The following ANKRD36C variants were observed in gnomAD, a reference collection of about 807,000 sequenced individuals.
ANKRD36C encodes ankyrin repeat domain 36C.
Under a neutral mutation model 276.4 loss-of-function variants are expected in ANKRD36C, and 61 were observed. The observed-to-expected ratio is 0.22, with a 90% CI of 0.18 to 0.27. ANKRD36C has a LOEUF of 0.27. Among genes scored for constraint, ANKRD36C ranks in the 10% least tolerant of loss-of-function variants. ANKRD36C has a pLI of 1.00. For synonymous variants in ANKRD36C, 483 were observed against 680.1 expected (o/e 0.71, Z 4.51); for missense variants, 1,447 against 2,032.3 (o/e 0.71, Z 5.54).
At chr2:95,941,818 G>C (rs1473822078) in intron 19 of ANKRD36C, among the ~76,000 whole-genome samples, 14 of 151,670 alleles carry the variant, frequency 9.2e-5, no homozygotes, top group African/African-American at 3.2e-4. Flanking sequence ...ATAAACATGG[G>C]GAGAAGAGAG....
At chr2:95,889,259 G>T (rs1676275134) in intron 48 of ANKRD36C, among the ~76,000 whole-genome samples, 1 of 151,478 alleles carries the variant, frequency 6.6e-6, no homozygotes, top group African/African-American at 2.4e-5. Context: ...GTATTGAAGT[G>T]AGTTCACTGA....
intron 6 of ANKRD36C, among the ~76,000 whole-genome samples, chr2:95,968,613 T>C (rs1364301606): frequency 1.3e-5 from 2 of 152,172 alleles, no homozygotes; most frequent in East Asian, 1.9e-4. Context: ...TGTGACCAAA[T>C]ATGTATTTTT....
At chr2:95,856,148 C>T (rs1573718310) in exon 63 of ANKRD36C, 3 of 1,605,432 alleles carry the variant, frequency 1.9e-6, no homozygotes, top group Non-Finnish European at 2.5e-6. Flanking sequence ...GGTTTTCATG[C>T]AGCAGGTCTT....
chr2:95,956,754 C>T (rs1224689939), intron 13 of ANKRD36C, 32 bp downstream of exon 13: 1 of 1,528,396 alleles, frequency 6.5e-7, no homozygotes, highest in African/African-American at 1.4e-5. Context: ...ACTAAGTTAA[C>T]ATATCACTTT....
At chr2:95,865,477 G>A (rs1675666136) in intron 60 of ANKRD36C, among the ~76,000 whole-genome samples, 1 of 151,972 alleles carries the variant, frequency 6.6e-6, no homozygotes, top group African/African-American at 2.4e-5. Context: ...GTGTGCCATA[G>A]GTACAGGCTG....
At chr2:95,893,500 T>G in intron 44 of ANKRD36C, 33 bp downstream of exon 64, 1 of 1,536,624 alleles carries the variant, frequency 6.5e-7, no homozygotes, top group East Asian at 2.5e-5. Flanking sequence ...CTATCTGGAC[T>G]GAACATGACA....
At chr2:95,912,884 G>A (rs1676976721) in intron 40 of ANKRD36C, among the ~76,000 whole-genome samples, 1 of 151,246 alleles carries the variant, frequency 6.6e-6, no homozygotes, top group African/African-American at 2.4e-5. Flanking sequence ...ACCAATAACC[G>A]AGAAGGCACA....
chr2:95,875,705 CA>C (rs1345383441), intron 59 of ANKRD36C, among the ~76,000 whole-genome samples: 1 of 151,868 alleles, frequency 6.6e-6, no homozygotes, highest in African/African-American at 2.4e-5. Flanking sequence ...ATAAGAAAAG[CA>C]AATTCTTACA....
chr2:95,860,822 G>C (rs1233183003), intron 60 of ANKRD36C, among the ~76,000 whole-genome samples: 1 of 152,110 alleles, frequency 6.6e-6, no homozygotes, highest in Non-Finnish European at 1.5e-5. Flanking sequence ...CAGAAAACTG[G>C]AGAGAAAAAA....
At chr2:95,874,385 A>G (rs1200715648) in intron 59 of ANKRD36C, among the ~76,000 whole-genome samples, 1 of 152,216 alleles carries the variant, frequency 6.6e-6, no homozygotes, top group African/African-American at 2.4e-5. Context: ...CATATCTACA[A>G]CTATCTGATC....
At chr2:95,963,990 T>TATATAA (rs1678527850) in intron 6 of ANKRD36C, among the ~76,000 whole-genome samples, 1 of 19,354 alleles carries the variant, frequency 5.2e-5, no homozygotes, top group Non-Finnish European at 8.0e-5. Flanking sequence ...TATATATATA[T>TATATAA]ATATATATAT....
intron 46 of ANKRD36C, 69 bp from the exon 67 acceptor site, chr2:95,890,063 G>A: frequency 6.4e-7 from 1 of 1,551,568 alleles, no homozygotes; most frequent in South Asian, 1.1e-5. Context: ...CATTCATACA[G>A]TGTTAGCATC....
chr2:95,894,610 G>C (rs1351046734), intron 44 of ANKRD36C, among the ~76,000 whole-genome samples: 2 of 151,296 alleles, frequency 1.3e-5, no homozygotes, highest in African/African-American at 4.8e-5. Context: ...TTCTAGAAAA[G>C]TTTCATTAAA....
intron 24 of ANKRD36C, among the ~76,000 whole-genome samples, chr2:95,929,997 T>C (rs1040820964): frequency 1.3e-5 from 2 of 151,558 alleles, no homozygotes; most frequent in Non-Finnish European, 3.0e-5. Context: ...TTATACAAAA[T>C]AAAGTTTCTA....
chr2:95,939,261 C>A (rs1573785512), intron 20 of ANKRD36C, among the ~76,000 whole-genome samples: 1 of 152,420 alleles, frequency 6.6e-6, no homozygotes, highest in South Asian at 2.1e-4. Context: ...GATTAGGTTT[C>A]ACATGACTAC....
chr2:95,913,613 A>T (rs548095551), intron 40 of ANKRD36C, among the ~76,000 whole-genome samples: 1 of 151,564 alleles, frequency 6.6e-6, no homozygotes, highest in South Asian at 2.1e-4. Context: ...CCCCAAAATT[A>T]TATAAATGAC....
intron 40 of ANKRD36C, 54 bp downstream of exon 42, chr2:95,914,054 G>T (rs976366785): frequency 2.0e-6 from 3 of 1,489,270 alleles, no homozygotes; most frequent in Non-Finnish European, 2.7e-6. Context: ...TCAGGGAAGA[G>T]AATTTCTTAT....
At chr2:95,871,211 T>C (rs1573729714) in intron 59 of ANKRD36C, among the ~76,000 whole-genome samples, 2 of 152,086 alleles carry the variant, frequency 1.3e-5, no homozygotes, top group Admixed American at 6.6e-5. Flanking sequence ...AGACACATAA[T>C]TGTCAGATTC....
chr2:95,885,860 C>A (rs1403150491), intron 52 of ANKRD36C, among the ~76,000 whole-genome samples, 188 bp downstream of exon 72: 1 of 151,730 alleles, frequency 6.6e-6, no homozygotes, highest in Non-Finnish European at 1.5e-5. Context: ...AGTCTACAAT[C>A]TTACTACTCA....
Sources: gnomAD v4.1 joint callset for allele counts (sites outside exome capture counted in the v4.1 genomes callset) on GRCh38, gnomAD v4.1.1 for gene constraint, MANE v1.5 for transcripts, NCBI Gene and HGNC (gene_info 2026-07-23, HGNC 2026-07-21) for gene names.